Variants in AKT3 observed in about 807,000 individuals in gnomAD.
AKT3 encodes the protein AKT serine/threonine kinase 3, also known as RAC-gamma serine/threonine-protein kinase.
In AKT3, 15 loss-of-function variants were observed where a neutral mutation model predicts 65.3. The ratio of observed to expected loss-of-function variants is 0.23; its 90% confidence interval spans 0.15 to 0.35. The LOEUF is 0.35. Among genes scored for constraint, AKT3 ranks in the 10% least tolerant of loss-of-function variants. The pLI, the probability that AKT3 is intolerant of heterozygous loss-of-function variation, is 1.00. For synonymous variants in AKT3, 206 were observed against 183.8 expected (o/e 1.12, Z -0.98); for missense variants, 243 against 576.5 (o/e 0.42, Z 5.92).
At chr1:243,533,386 G>C (rs1378959925) in intron 12 of AKT3, among the ~76,000 whole-genome samples, 1 of 152,158 alleles carries the variant, frequency 6.6e-6, no homozygotes, top group African/African-American at 2.4e-5. Flanking sequence ...AGATGCAGAA[G>C]ACTTAACACT....
At chr1:243,822,771 A>T (rs1693937777) in intron 2 of AKT3, among the ~76,000 whole-genome samples, 1 of 152,182 alleles carries the variant, frequency 6.6e-6, no homozygotes, top group Admixed American at 6.5e-5. Context: ...CAGGTTCTGA[A>T]ATTGAGGCAG....
chr1:243,605,234 G>T (rs921800632), intron 8 of AKT3, among the ~76,000 whole-genome samples: 4 of 150,532 alleles, frequency 2.7e-5, no homozygotes, highest in Non-Finnish European at 4.4e-5. Context: ...CACCATGTTC[G>T]CCAGGCTGGT....
chr1:243,654,946 CTT>C (rs1681648370), intron 4 of AKT3, among the ~76,000 whole-genome samples: 1 of 152,022 alleles, frequency 6.6e-6, no homozygotes, highest in East Asian at 1.9e-4. Flanking sequence ...ATTTATAGGA[CTT>C]TTGAAACTAT....
intron 11 of AKT3, among the ~76,000 whole-genome samples, chr1:243,549,630 G>A (rs962078844): frequency 2.0e-5 from 3 of 151,742 alleles, no homozygotes; most frequent in African/African-American, 7.3e-5. Context: ...CTTGCTATGT[G>A]CCCAGGTTGG....
At chr1:243,833,012 C>A (rs1694636394) in intron 2 of AKT3, among the ~76,000 whole-genome samples, 1 of 152,074 alleles carries the variant, frequency 6.6e-6, no homozygotes, top group Admixed American at 6.6e-5. Flanking sequence ...GTAAATCCAG[C>A]ACTTTGGGAG....
In AKT3 at chr1:243,807,087, T is replaced by C. The variant is rs533828240; in HGVS notation, c.46+36038A>G. On this transcript the variant is annotated intron_variant, in intron 2 of 13. Coordinates refer to ENST00000673466, the MANE Select transcript of AKT3 (RefSeq NM_005465.7). Reference sequence around the variant, plus strand: ...GATGGCCGAATAGGAAAAGCTACAGTCTACAGATCCCAGTGTGAGCGACAC... The same window carrying C: ...GATGGCCGAATAGGAAAAGCTACAGCCTACAGATCCCAGTGTGAGCGACAC... Among the ~76,000 whole-genome samples, 7 of 152,246 alleles carry C rather than the reference T, an allele frequency of 4.6e-5. No homozygotes were observed. The South Asian group carries it at 1.2e-3, about 27-fold the overall frequency.
intron 2 of AKT3, among the ~76,000 whole-genome samples, chr1:243,749,950 C>T (rs1688699686): frequency 6.6e-6 from 1 of 152,192 alleles, no homozygotes; most frequent in Non-Finnish European, 1.5e-5. Flanking sequence ...AATAATTGCT[C>T]TTGCTTGGCA....
At chr1:243,742,664 A>G (rs1356297358) in intron 2 of AKT3, among the ~76,000 whole-genome samples, 2 of 152,102 alleles carry the variant, frequency 1.3e-5, no homozygotes, top group Non-Finnish European at 2.9e-5. Context: ...AACCTTAAAC[A>G]TTTCTTTTTG....
At chr1:243,593,082 T>C (rs1369082825) in intron 8 of AKT3, among the ~76,000 whole-genome samples, 1 of 152,168 alleles carries the variant, frequency 6.6e-6, no homozygotes, top group African/African-American at 2.4e-5. Context: ...CAAAAGTTAC[T>C]GATGAATTCC....
chr1:243,641,978 C>A (rs1680426743), intron 5 of AKT3, among the ~76,000 whole-genome samples: 1 of 151,806 alleles, frequency 6.6e-6, no homozygotes, highest in Non-Finnish European at 1.5e-5. Context: ...AATTGCAATT[C>A]TTAGGAACAA....
At chr1:243,648,431 G>A (rs1681015239) in intron 4 of AKT3, among the ~76,000 whole-genome samples, 1 of 152,006 alleles carries the variant, frequency 6.6e-6, no homozygotes, top group Non-Finnish European at 1.5e-5. Flanking sequence ...AGCTCCATTT[G>A]GCCACATAAC....
At chr1:243,535,185 A>AATTTTAAAATATATTTTAAAATT (rs1671830115) in intron 12 of AKT3, among the ~76,000 whole-genome samples, 2 of 139,090 alleles carry the variant, frequency 1.4e-5, no homozygotes, top group East Asian at 2.0e-4. Context: ...ATTTTAAAAT[A>AATTTTAAAATATATTTTAAAATT]ATTTTAAAAT....
intron 2 of AKT3, among the ~76,000 whole-genome samples, chr1:243,758,011 C>A (rs1689245644): frequency 6.6e-6 from 1 of 152,202 alleles, no homozygotes; most frequent in East Asian, 1.9e-4. Flanking sequence ...GATCCACCCG[C>A]CTCGGCCTCC....
intron 3 of AKT3, among the ~76,000 whole-genome samples, chr1:243,688,135 T>C (rs1258314223): frequency 6.6e-6 from 1 of 152,106 alleles, no homozygotes; most frequent in Non-Finnish European, 1.5e-5. Flanking sequence ...TTAAAAATGT[T>C]TTTTAAATAA....
rs945403344 is a variant in AKT3 at position 243,776,581 on chromosome 1, T to C, written c.46+66544A>G. On this transcript the variant is annotated intron_variant, in intron 2 of 13. Coordinates refer to ENST00000673466, the MANE Select transcript of AKT3 (RefSeq NM_005465.7). Reference sequence around the variant, plus strand: ...ATCTCAAACATCCAGCCTCCAGAACTGTGAGAAAACACCTAGACTATGAAA... The same window carrying C: ...ATCTCAAACATCCAGCCTCCAGAACCGTGAGAAAACACCTAGACTATGAAA... Among the ~76,000 whole-genome samples, 7 of 152,160 alleles carry C rather than the reference T, an allele frequency of 4.6e-5. No homozygotes were observed. In the South Asian group the frequency reaches 8.3e-4, roughly 18 times the overall value.
In AKT3 at chr1:243,502,790, G is replaced by C. The variant is rs1669403912; in HGVS notation, c.*2459C>G. ...GCATGGCTGGGAACTGAGAGCCAGT[G>C]TGAGGAGTGGCCCGCCTGGGGCAAT... On this transcript the variant is annotated 3_prime_UTR_variant, in exon 14 of 14. Coordinates refer to ENST00000673466, the MANE Select transcript of AKT3 (RefSeq NM_005465.7). 4.3e-6 allele frequency: 1 copy of C among 233,242 alleles called. No homozygotes were observed. The highest frequency in any genetic ancestry group is 2.2e-5 in the African/African-American group (1 of 45,362). 14.4% of individuals were successfully genotyped at this position (233,242 alleles called of 1,614,324 possible).
intron 8 of AKT3, among the ~76,000 whole-genome samples, chr1:243,601,967 T>G (rs531205061): frequency 6.6e-6 from 1 of 152,314 alleles, no homozygotes; most frequent in East Asian, 1.9e-4. Context: ...CCAGCCTTTG[T>G]GTAAGAAGTT....
chr1:243,604,876 T>G (rs1677280927), intron 8 of AKT3, among the ~76,000 whole-genome samples: 1 of 152,212 alleles, frequency 6.6e-6, no homozygotes, highest in African/African-American at 2.4e-5. Context: ...TACTAGATTA[T>G]AAAGTTAATC....
chr1:243,558,297 A>G (rs935250947), intron 10 of AKT3, among the ~76,000 whole-genome samples: 2 of 152,054 alleles, frequency 1.3e-5, no homozygotes, highest in African/African-American at 4.8e-5. Flanking sequence ...ATAGAAATTA[A>G]TCTCCATGTG....
Sources: allele counts gnomAD v4.1 joint callset (sites outside exome capture counted in the v4.1 genomes callset), GRCh38; gene constraint gnomAD v4.1.1; transcripts MANE v1.5; gene names NCBI Gene and HGNC (gene_info 2026-07-23, HGNC 2026-07-21).